Variants in DSC3 observed in about 807,000 individuals in gnomAD.
DSC3 encodes the protein desmocollin-3.
DSC3 carries 97 observed loss-of-function variants against 89.5 expected under a neutral mutation model. The observed-to-expected ratio is 1.08, with a 90% CI of 0.92 to 1.28. DSC3 has a LOEUF of 1.28. DSC3 is among the 50% of genes most tolerant of loss of function. The pLI is 0.00. For missense variants in DSC3, 1,199 were observed against 1,085.3 expected, an observed-to-expected ratio of 1.10 and a Z score of -1.47; for synonymous variants, 436 against 384.1, an observed-to-expected ratio of 1.14 and a Z score of -1.58.
Position 31,032,265 on chromosome 18 carries a change from A to G in DSC3, c.81T>C (p.Arg27=). The G allele has an allele frequency of 6.2e-7, 1 of 1,611,874 alleles. No homozygotes were observed. The highest frequency in any genetic ancestry group is 8.5e-7 in the Non-Finnish European group (1 of 1,177,946). The change falls in exon 2 of 16, where the codon CGT becomes CGC. Residue 27 remains arginine, a synonymous_variant. Transcript: ENST00000360428. ...HLLLTLVIFS[R]AGEACKKVIL... ...TCACCTTTTTGCAGGCTTCACCAGC[A>G]CGACTGAAGATCTAGAATTTAAAAG...
At chr18:31,008,649 C>T in intron 9 of DSC3, 124 bp from the exon 10 acceptor site, 1 of 1,302,808 alleles carries the variant, frequency 7.7e-7, no homozygotes, top group East Asian at 2.3e-5. Context: ...GTTGTTAATA[C>T]TGACTTTTAT....
chr18:31,039,322 GC>G (rs1986064205), intron 1 of DSC3, among the ~76,000 whole-genome samples: 1 of 152,074 alleles, frequency 6.6e-6, no homozygotes, highest in African/African-American at 2.4e-5. Flanking sequence ...TCACTTTCAT[GC>G]TGTTGTTTAA....
intron 9 of DSC3, among the ~76,000 whole-genome samples, chr18:31,013,212 G>A (rs903822757): frequency 1.3e-5 from 2 of 151,482 alleles, no homozygotes; most frequent in African/African-American, 4.9e-5. Flanking sequence ...AAATATACAT[G>A]TATCTTATTT....
At chr18:31,012,255 T>C (rs752486084) in intron 9 of DSC3, among the ~76,000 whole-genome samples, 1 of 152,138 alleles carries the variant, frequency 6.6e-6, no homozygotes, top group Non-Finnish European at 1.5e-5. Flanking sequence ...AAAAATATAA[T>C]TTAAAAAGTA....
chr18:31,005,447 A>G (rs1386127908), intron 12 of DSC3, among the ~76,000 whole-genome samples: 1 of 152,164 alleles, frequency 6.6e-6, no homozygotes, highest in African/African-American at 2.4e-5. Context: ...CACATTCCCA[A>G]TGCATAATTG....
rs748444341 is a variant in DSC3 at position 31,042,708 on chromosome 18, G to C, written c.-48C>G. ...AGAACGCGGGCGCCGGGAGGGTGCCGAGAGCGAGACCTGCCGAGGTGCAGG... is the reference window on the plus strand; with the variant it reads ...AGAACGCGGGCGCCGGGAGGGTGCCCAGAGCGAGACCTGCCGAGGTGCAGG... On this transcript the variant is annotated 5_prime_UTR_variant, in exon 1 of 16. Transcript: ENST00000360428. 9 of 1,523,702 alleles carry C rather than the reference G, an allele frequency of 5.9e-6. No homozygotes were observed. In the African/African-American group the frequency reaches 9.7e-5, roughly 16 times the overall value. 94.4% of individuals were successfully genotyped at this position (1,523,702 alleles called of 1,614,324 possible). A position where few individuals can be genotyped will look rare whatever the true frequency, so the allele number is the denominator to read the frequency against.
At chr18:31,032,811 A>G (rs114203680) in intron 1 of DSC3, among the ~76,000 whole-genome samples, 1,803 of 152,240 alleles carry the variant, frequency 0.012, 39 homozygotes, top group African/African-American at 0.04. Context: ...TCTATTTAAC[A>G]TTATACTGGA....
chr18:30,992,787 T>C lies in DSC3; in HGVS notation c.*1388A>G, dbSNP rs1339359067. Reference sequence around the variant, plus strand: ...CTGGAGAAAGCAAACTGATTAAAAATTAATTCACGCTGAAGGATGGTGGAA... The same window carrying C: ...CTGGAGAAAGCAAACTGATTAAAAACTAATTCACGCTGAAGGATGGTGGAA... On this transcript the variant is annotated 3_prime_UTR_variant, in exon 16 of 16. Transcript: ENST00000360428. 3 of 152,226 alleles carry C rather than the reference T, an allele frequency of 2.0e-5. No individual in the cohort carries two copies. Among genetic ancestry groups the C allele is most frequent in the Non-Finnish European group, 4.4e-5 (3 of 68,036 alleles). 9.4% of individuals were successfully genotyped at this position (152,226 alleles called of 1,614,324 possible).
Position 31,006,951 on chromosome 18 carries a change from G to C in DSC3, c.1844C>G (p.Thr615Ser). The change falls in exon 12 of 16, where the codon ACT becomes AGT. Residue 615 changes from threonine (T) to serine (S), a missense_variant. Coordinates refer to ENST00000360428, the MANE Select transcript of DSC3 (RefSeq NM_001941.5). ...GAPFYFSLPN[T>S]SPEISRLWSL... ...CCACAGTCTACTGATTTCTGGAGAA[G>C]TATTGGGCAAACTGAAATAAAATGG... 1 of 1,613,906 alleles carries C rather than the reference G, an allele frequency of 6.2e-7. No homozygotes were observed. Among genetic ancestry groups the C allele is most frequent in the Non-Finnish European group, 8.5e-7 (1 of 1,179,906 alleles).
chr18:31,016,976 C>A (rs937757852), intron 9 of DSC3, among the ~76,000 whole-genome samples: 1 of 152,144 alleles, frequency 6.6e-6, no homozygotes, highest in Non-Finnish European at 1.5e-5. Context: ...CTTTGTCTTG[C>A]ATTCTACTTT....
chr18:31,029,922 G>T (rs893003248), intron 3 of DSC3, among the ~76,000 whole-genome samples: 7 of 152,060 alleles, frequency 4.6e-5, no homozygotes, highest in Non-Finnish European at 7.4e-5. Context: ...TTCTTGCTTT[G>T]TCCCAAATGG....
chr18:31,034,755 T>C (rs1985917470), intron 1 of DSC3, among the ~76,000 whole-genome samples: 1 of 152,190 alleles, frequency 6.6e-6, no homozygotes, highest in African/African-American at 2.4e-5. Context: ...ACGATTTCGT[T>C]TACATAAAAT....
intron 14 of DSC3, among the ~76,000 whole-genome samples, chr18:31,000,183 T>C (rs1369852900): frequency 1.3e-5 from 2 of 152,118 alleles, no homozygotes; most frequent in Non-Finnish European, 2.9e-5. Context: ...CCCCGAGACA[T>C]AGAAAAGGCT....
Position 30,990,100 on chromosome 18 carries a change from A to T in DSC3, c.*4075T>A, listed in dbSNP as rs1984182264. 6.6e-6 allele frequency: 1 copy of T among 152,206 alleles called. No homozygotes were observed. The highest frequency in any genetic ancestry group is 1.5e-5 in the Non-Finnish European group (1 of 68,036). 9.4% of individuals were successfully genotyped at this position (152,206 alleles called of 1,614,324 possible). On this transcript the variant is annotated 3_prime_UTR_variant, in exon 16 of 16. Transcript: ENST00000360428. ...GTATATCCAACTACATAATTTTACC[A>T]ACTACCTCACACTTATAATTCTTTT...
chr18:31,020,015 G>A (rs276915), intron 7 of DSC3, among the ~76,000 whole-genome samples: 77,349 of 151,938 alleles, frequency 0.51, 20,528 homozygotes, highest in East Asian at 0.88. Flanking sequence ...GCAGGAGAAC[G>A]ATTCTCGGAG....
chr18:31,001,018 G>GTA lies in DSC3; in HGVS notation c.2235+598_2235+599dup, dbSNP rs1192786333. Among the ~76,000 whole-genome samples, 116 of 147,174 alleles carry GTA rather than the reference G, an allele frequency of 7.9e-4. 1 individual carries two copies. The highest frequency in any genetic ancestry group is 2.4e-3 in the African/African-American group (97 of 40,134). On this transcript the variant is annotated intron_variant, in intron 14 of 15. Coordinates refer to ENST00000360428, the MANE Select transcript of DSC3 (RefSeq NM_001941.5). ...GTGTACATATATATATACTTTGTGTGTATATATATATACTTTGTGTATATG... is the reference window on the plus strand; with the variant it reads ...GTGTACATATATATATACTTTGTGTGTATATATATATATACTTTGTGTATATG...
intron 4 of DSC3, among the ~76,000 whole-genome samples, chr18:31,026,153 T>C (rs1032273334): frequency 2.6e-5 from 4 of 151,946 alleles, no homozygotes; most frequent in African/African-American, 7.2e-5. Flanking sequence ...ATGAATAAGC[T>C]ATGAGGATAA....
At chr18:30,997,172 G>A in intron 14 of DSC3, 124 bp from the exon 15 acceptor site, 1 of 1,229,242 alleles carries the variant, frequency 8.1e-7, no homozygotes, top group East Asian at 2.5e-5. Context: ...TCATTCAACA[G>A]ACATTTATCA....
intron 7 of DSC3, among the ~76,000 whole-genome samples, chr18:31,020,436 G>A (rs1985379544): frequency 1.3e-5 from 2 of 152,186 alleles, no homozygotes; most frequent in African/African-American, 4.8e-5. Flanking sequence ...ACTTAAGGTT[G>A]CTGTTAGATT....
Sources: allele counts gnomAD v4.1 joint callset (sites outside exome capture counted in the v4.1 genomes callset), GRCh38; gene constraint gnomAD v4.1.1; transcripts MANE v1.5; gene names NCBI Gene and HGNC (gene_info 2026-07-23, HGNC 2026-07-21).